The following GLIS3 variants were observed in gnomAD, a reference collection of about 807,000 sequenced individuals.
The protein encoded by GLIS3 is zinc finger protein GLIS3.
Under a neutral mutation model 78.6 loss-of-function variants are expected in GLIS3, and 53 were observed. That is an observed-to-expected ratio of 0.67 (90% CI 0.54 to 0.85). GLIS3 has a LOEUF of 0.85. Among genes scored for constraint, GLIS3 ranks in the 40% least tolerant of loss-of-function variants. GLIS3 has a pLI of 0.00. For missense variants in GLIS3, 1,703 were observed against 1,231.1 expected, an observed-to-expected ratio of 1.38 and a Z score of -5.74; for synonymous variants, 684 against 509.9, an observed-to-expected ratio of 1.34 and a Z score of -4.60.
chr9:3,900,999 T>G (rs1823252109), intron 6 of GLIS3: 1 of 152,120 alleles, frequency 6.6e-6, no homozygotes, highest in Non-Finnish European at 1.5e-5. Flanking sequence ...ATTCCACCAT[T>G]GTGATATGTT....
chr9:4,407,116 A>G, the GLIS3 span, among the ~76,000 whole-genome samples: 4 of 152,238 alleles, frequency 2.6e-5, no homozygotes, highest in South Asian at 2.1e-4. Flanking sequence ...ATGGAACAGA[A>G]TGGAGAACCC....
intron 2 of GLIS3, among the ~76,000 whole-genome samples, chr9:4,210,595 G>C (rs888104132): frequency 6.6e-6 from 1 of 152,124 alleles, no homozygotes; most frequent in Non-Finnish European, 1.5e-5. Flanking sequence ...CTTTTCTTAT[G>C]TGGGAATTCT....
At chr9:4,401,481 C>T in the GLIS3 span, among the ~76,000 whole-genome samples, 2 of 151,476 alleles carry the variant, frequency 1.3e-5, no homozygotes, top group Non-Finnish European at 2.9e-5. Flanking sequence ...TCAGGCTGGT[C>T]TCGAAATCTC....
rs949082792 is a variant in GLIS3 at position 3,986,149 on chromosome 9, A to C, written c.1711-48960T>G. Among the ~76,000 whole-genome samples, 34 of 152,246 alleles carry C rather than the reference A, an allele frequency of 2.2e-4. 1 individual carries two copies. Among genetic ancestry groups the C allele is most frequent in the Admixed American group, 1.3e-4 (2 of 15,286 alleles). ...CTTAGAGCCACTGGGTTTGGTGAACAGTGGTGTTTTGCATGTCTACATTGC... is the reference window on the plus strand; with the variant it reads ...CTTAGAGCCACTGGGTTTGGTGAACCGTGGTGTTTTGCATGTCTACATTGC... On this transcript the variant is annotated intron_variant, in intron 4 of 10. Coordinates refer to ENST00000381971, the MANE Select transcript of GLIS3 (RefSeq NM_001042413.2).
At chr9:4,076,374 T>C (rs867682595) in intron 4 of GLIS3, among the ~76,000 whole-genome samples, 2 of 152,246 alleles carry the variant, frequency 1.3e-5, no homozygotes, top group East Asian at 3.8e-4. Context: ...GATCCTATTA[T>C]ACTATGCATT....
chr9:4,188,844 C>T (rs62543600), intron 2 of GLIS3, among the ~76,000 whole-genome samples: 17,627 of 152,132 alleles, frequency 0.12, 1,246 homozygotes, highest in African/African-American at 0.19. Context: ...GTGGTGATAT[C>T]TCCTTTATTA....
chr9:4,240,237 G>A (rs765186078), intron 2 of GLIS3, among the ~76,000 whole-genome samples: 1 of 151,908 alleles, frequency 6.6e-6, no homozygotes, highest in Non-Finnish European at 1.5e-5. Context: ...TTCCACCTCA[G>A]ATCATCAGAC....
intron 2 of GLIS3, among the ~76,000 whole-genome samples, chr9:4,265,936 G>GTTTGTTTGTTTGTTTT (rs56341848): frequency 4.7e-5 from 7 of 149,032 alleles, no homozygotes; most frequent in African/African-American, 1.7e-4. Context: ...TTGTTTGTTT[G>GTTTGTTTGTTTGTTTT]GAGACGGAGT....
chr9:4,125,976 C>T (rs1337961237), intron 2 of GLIS3, 35 bp from the exon 3 acceptor site: 1 of 1,508,594 alleles, frequency 6.6e-7, no homozygotes, highest in Non-Finnish European at 9.2e-7. Flanking sequence ...CTTTCATGTC[C>T]CTTACATCAG....
At chr9:4,186,897 C>A (rs1261760924) in intron 2 of GLIS3, among the ~76,000 whole-genome samples, 2 of 151,982 alleles carry the variant, frequency 1.3e-5, no homozygotes, top group African/African-American at 4.8e-5. Context: ...GGATATTAGC[C>A]CTATGTCAGA....
rs531797419 is a variant in GLIS3 at position 4,222,984 on chromosome 9, G to A, written c.388+63054C>T. On this transcript the variant is annotated intron_variant, in intron 2 of 10. Transcript: ENST00000381971. ...TACTCCTTTAACTGTTGTTCCTTAG[G>A]GAATTAGGGAACAAACAGCACTCCT... 5.3e-5 allele frequency among the ~76,000 whole-genome samples: 8 copies of A among 152,096 alleles called. No homozygotes were observed. In the South Asian group the frequency reaches 1.2e-3, roughly 24 times the overall value.
chr9:4,390,945 G>T, the GLIS3 span, among the ~76,000 whole-genome samples: 1 of 152,170 alleles, frequency 6.6e-6, no homozygotes, highest in Admixed American at 6.5e-5. Context: ...AGGGAAACAA[G>T]TTCTCCACAT....
chr9:4,320,851 T>A (rs536401931), intron 2 of GLIS3, among the ~76,000 whole-genome samples: 3 of 152,314 alleles, frequency 2.0e-5, no homozygotes, highest in South Asian at 2.1e-4. Flanking sequence ...CCATATTCAT[T>A]CTGGTCTCTC....
intron 2 of GLIS3, among the ~76,000 whole-genome samples, chr9:4,240,362 G>A (rs1479985824): frequency 6.6e-6 from 1 of 152,188 alleles, no homozygotes; most frequent in Non-Finnish European, 1.5e-5. Flanking sequence ...AGGAGGCACA[G>A]CTCAGGCAGT....
intron 2 of GLIS3, among the ~76,000 whole-genome samples, chr9:4,246,698 G>C (rs530466783): frequency 6.6e-6 from 1 of 152,094 alleles, no homozygotes; most frequent in Non-Finnish European, 1.5e-5. Context: ...TGTAAGAGCT[G>C]GTCTCATCCT....
intron 2 of GLIS3, among the ~76,000 whole-genome samples, chr9:4,262,880 A>G (rs1171676009): frequency 6.6e-6 from 1 of 150,604 alleles, no homozygotes; most frequent in Non-Finnish European, 1.5e-5. Flanking sequence ...AACTACCTTA[A>G]GCCCGTAGTT....
At chr9:4,278,582 G>A (rs1226520424) in intron 2 of GLIS3, among the ~76,000 whole-genome samples, 1 of 152,122 alleles carries the variant, frequency 6.6e-6, no homozygotes, top group African/African-American at 2.4e-5. Context: ...CACAAAAAGA[G>A]AAGGGAGAGA....
chr9:4,151,311 G>C (rs1467710824), intron 2 of GLIS3, among the ~76,000 whole-genome samples: 6 of 152,170 alleles, frequency 3.9e-5, no homozygotes, highest in African/African-American at 1.4e-4. Context: ...TTTTTAAAAA[G>C]AGGTTCAGTT....
chr9:4,315,610 G>A (rs1817424499), intron 2 of GLIS3, among the ~76,000 whole-genome samples: 1 of 152,082 alleles, frequency 6.6e-6, no homozygotes, highest in Non-Finnish European at 1.5e-5. Context: ...TTTCATGGAA[G>A]ACATACACTC....
Sources: allele counts gnomAD v4.1 joint callset (sites outside exome capture counted in the v4.1 genomes callset), GRCh38; gene constraint gnomAD v4.1.1; transcripts MANE v1.5; gene names NCBI Gene and HGNC (gene_info 2026-07-23, HGNC 2026-07-21).